The following MAU2 variants were observed in gnomAD, a reference collection of about 807,000 sequenced individuals.
MAU2 encodes MAU2 chromatid cohesion factor homolog.
Under a neutral mutation model 89.1 loss-of-function variants are expected in MAU2, and 9 were observed. The observed-to-expected ratio is 0.10, with a 90% CI of 0.06 to 0.18. MAU2 has a LOEUF of 0.18. Ranked by LOEUF, MAU2 falls within the 10% of genes least tolerant of loss-of-function variation. The pLI is 1.00. For synonymous variants in MAU2, 357 were observed against 343.4 expected, an observed-to-expected ratio of 1.04 and a Z score of -0.44; for missense variants, 425 against 803.5, an observed-to-expected ratio of 0.53 and a Z score of 5.69.
chr19:19,341,802 C>A (rs140959392), intron 7 of MAU2, among the ~76,000 whole-genome samples: 1 of 152,202 alleles, frequency 6.6e-6, no homozygotes, highest in Non-Finnish European at 1.5e-5. Context: ...TGAGTAGGGA[C>A]TGATGTGCTC....
intron 7 of MAU2, among the ~76,000 whole-genome samples, chr19:19,341,753 A>G (rs564871709): frequency 3.9e-5 from 6 of 152,346 alleles, no homozygotes; most frequent in African/African-American, 1.2e-4. Flanking sequence ...CACACAGCAG[A>G]TGCCCAGGTG....
chr19:19,348,884 C>T lies in MAU2; in HGVS notation c.1309-5C>T, dbSNP rs771555228. ...AATGGTGCTGACTGGCTCTTTCCCC[C>T]GCAGCTCTACAGTCTGCTGGAGAGG... On this transcript the variant is annotated splice_polypyrimidine_tract_variant and splice_region_variant and intron_variant, in intron 13 of 18. Transcript: ENST00000262815. The T allele has an allele frequency of 2.0e-5, 33 of 1,613,878 alleles. No individual in the cohort carries two copies. The highest frequency in any genetic ancestry group is 1.6e-4 in the Middle Eastern group (1 of 6,084).
chr19:19,348,852 G>T, intron 13 of MAU2, 37 bp from the exon 14 acceptor site: 1 of 1,610,750 alleles, frequency 6.2e-7, no homozygotes, highest in South Asian at 1.1e-5. Flanking sequence ...CTCCTGTGAA[G>T]ATGCAGAATG....
In MAU2 at chr19:19,345,379, C is replaced by T. The variant is rs776492262; in HGVS notation, c.1221+10C>T. 4.0e-5 allele frequency: 64 copies of T among 1,613,362 alleles called. No individual in the cohort carries two copies. The South Asian group carries it at 5.6e-4, about 14-fold the overall frequency. On this transcript the variant is annotated intron_variant, in intron 12 of 18. Coordinates refer to ENST00000262815, the MANE Select transcript of MAU2 (RefSeq NM_015329.4). This position sits in a 1 kb window ranked among gnomAD's most constrained non-coding sequence, Gnocchi z 4.9. ...CACCACGGCCCTGCGGGTAAGGTGC[C>T]GGCCCTCCTTGCTGCTCGGGGCGGG...
At chr19:19,338,005 C>G (rs1329803276) in intron 4 of MAU2, among the ~76,000 whole-genome samples, 1 of 152,220 alleles carries the variant, frequency 6.6e-6, no homozygotes, top group Admixed American at 6.5e-5. Context: ...GGCCGGCCCC[C>G]GGCCTCTCTC....
At chr19:19,332,947 C>A (rs933976414) in intron 1 of MAU2, among the ~76,000 whole-genome samples, 1 of 152,072 alleles carries the variant, frequency 6.6e-6, no homozygotes, top group Non-Finnish European at 1.5e-5. Context: ...CATGGTGGCG[C>A]ATGCCTGTAA....
chr19:19,334,750 T>TA (rs1433628655), intron 1 of MAU2: 1 of 303,008 alleles, frequency 3.3e-6, no homozygotes, highest in Non-Finnish European at 4.9e-6. Context: ...CTGCCTTTTT[T>TA]ATGGGCTTTT....
intron 9 of MAU2, among the ~76,000 whole-genome samples, 171 bp from the exon 10 acceptor site, chr19:19,343,666 A>T (rs2061671025): frequency 6.6e-6 from 1 of 152,178 alleles, no homozygotes; most frequent in Non-Finnish European, 1.5e-5. Context: ...CCCCACCTGG[A>T]CAGCAAGACA....
intron 1 of MAU2, 120 bp from the exon 2 acceptor site, chr19:19,335,598 G>A (rs896124760): frequency 2.2e-5 from 22 of 1,002,478 alleles, no homozygotes; most frequent in African/African-American, 1.9e-4. Context: ...CCGCCTTCTT[G>A]TTACCTGGAT....
intron 4 of MAU2, among the ~76,000 whole-genome samples, 156 bp from the exon 5 acceptor site, chr19:19,338,689 G>A (rs773834835): frequency 7.9e-5 from 12 of 152,228 alleles, no homozygotes; most frequent in South Asian, 4.1e-4. Context: ...AGCAATTAGC[G>A]TTGATAAGAT....
rs762208110 is a variant in MAU2, at chr19:19,355,776, C to T, written c.1836C>T (p.Leu612=). Residue 612 remains leucine (L), a synonymous_variant, in exon 19 of 19, where the codon CTC becomes CTT. Coordinates refer to ENST00000262815, the MANE Select transcript of MAU2 (RefSeq NM_015329.4). The part of the protein sequence containing the change: ...QNGPNTSLAS[L]L The stretch of plus-strand genomic sequence containing the variant: ...GACCCAACACCAGCCTGGCCAGCCT[C>T]CTGTGAGGCCTTGATGGGGCCATCC... 3.1e-6 allele frequency: 5 copies of T among 1,607,020 alleles called. No individual in the cohort carries two copies. Among genetic ancestry groups the T allele is most frequent in the Non-Finnish European group, 4.2e-6 (5 of 1,179,932 alleles).
chr19:19,339,951 G>A (rs1260930785), intron 5 of MAU2, among the ~76,000 whole-genome samples: 9 of 151,924 alleles, frequency 5.9e-5, no homozygotes, highest in African/African-American at 1.2e-4. Flanking sequence ...GGCAGATCAC[G>A]AGGTCAGGAG....
chr19:19,348,364 A>G lies in MAU2; in HGVS notation c.1309-525A>G, dbSNP rs1347651287. The G allele has an allele frequency of 2.0e-5, 4 of 203,540 alleles. No homozygotes were observed. In the East Asian group the frequency reaches 6.2e-4, roughly 31 times the overall value. 12.6% of individuals were successfully genotyped at this position (203,540 alleles called of 1,614,324 possible). On this transcript the variant is annotated intron_variant, in intron 13 of 18. Transcript: ENST00000262815. The stretch of plus-strand genomic sequence containing the variant: ...GGGCGACAGAGCAAGAACCTGTCTC[A>G]AAGGAAAAAGAAAGCCCAGCCCCGG...
rs1392805686 is a variant in MAU2 at position 19,336,241 on chromosome 19, C to T, written c.360+54C>T. The T allele has an allele frequency of 1.2e-5, 16 of 1,300,726 alleles. No homozygotes were observed. The Admixed American group carries it at 1.5e-4, about 12-fold the overall frequency. The allele number at this position is 1,300,726 out of a possible 1,614,324, so 80.6% of individuals were successfully genotyped here. ...AAAGTGTCTCTCCGTGTCGCTAAGA[C>T]ATGACAGCACATTGGTAAATTGGGG... On this transcript the variant is annotated intron_variant, in intron 3 of 18. Transcript: ENST00000262815.
In MAU2 at chr19:19,349,309, A is replaced by G; in HGVS notation, c.1437-16A>G. On this transcript the variant is annotated splice_polypyrimidine_tract_variant and intron_variant, in intron 15 of 18. Transcript: ENST00000262815. ...CCCCGTCCTGCAGTTATCAGCGTCCATGTTCTCCTTGTCAGGCGATTTCTG... is the reference window on the plus strand; with the variant it reads ...CCCCGTCCTGCAGTTATCAGCGTCCGTGTTCTCCTTGTCAGGCGATTTCTG... 5.6e-6 allele frequency: 9 copies of G among 1,614,072 alleles called. No homozygotes were observed. Among genetic ancestry groups the G allele is most frequent in the Non-Finnish European group, 5.9e-6 (7 of 1,179,916 alleles).
chr19:19,344,075 T>C, intron 10 of MAU2, 135 bp downstream of exon 10: 1 of 701,110 alleles, frequency 1.4e-6, no homozygotes. Context: ...GGCCAGCGTT[T>C]TACAGCCCTG....
chr19:19,349,303 G>T, intron 15 of MAU2, 22 bp from the exon 16 acceptor site: 2 of 1,614,018 alleles, frequency 1.2e-6, no homozygotes, highest in Non-Finnish European at 8.5e-7. Context: ...GCAGTTATCA[G>T]CGTCCATGTT....
In MAU2 at chr19:19,321,515, C is replaced by T. The variant is rs543316559; in HGVS notation, c.276+380C>T. 3.9e-4 allele frequency: 69 copies of T among 178,170 alleles called. 2 individuals carry two copies. The South Asian group carries it at 9.9e-3, about 26-fold the overall frequency. 11.0% of individuals were successfully genotyped at this position (178,170 alleles called of 1,614,324 possible). On this transcript the variant is annotated intron_variant, in intron 1 of 18. Transcript: ENST00000262815. ...AAGCTATTAGCTCCTCCTGGTTCAG[C>T]TTCCGGAGCATCAGCCCCAAACGCT...
At chr19:19,333,599 A>T (rs1004509796) in intron 1 of MAU2, among the ~76,000 whole-genome samples, 1 of 152,212 alleles carries the variant, frequency 6.6e-6, no homozygotes, top group South Asian at 2.1e-4. Context: ...TGAGGCATGA[A>T]GTGACTGGAC....
Sources: allele counts gnomAD v4.1 joint callset (sites outside exome capture counted in the v4.1 genomes callset), GRCh38; gene constraint gnomAD v4.1.1; non-coding constraint Gnocchi (gnomAD v3.1); transcripts MANE v1.5; gene names NCBI Gene and HGNC (gene_info 2026-07-23, HGNC 2026-07-21).